CLIC2: variants seen among roughly 807,000 people sequenced by gnomAD.
The protein encoded by CLIC2 is chloride intracellular channel protein 2.
A neutral mutation model predicts 14.8 loss-of-function variants in CLIC2; 9 were observed. The observed-to-expected ratio is 0.61, with a 90% CI of 0.37 to 1.06. The LOEUF (loss-of-function observed/expected upper bound fraction) is 1.06, where lower values mean the gene tolerates loss of function less well. Among genes scored for constraint, CLIC2 ranks in the 50% least tolerant of loss-of-function variants. CLIC2 has a pLI of 0.01. For missense variants in CLIC2, 148 were observed against 181.4 expected, an observed-to-expected ratio of 0.82 and a Z score of 1.06; for synonymous variants, 61 against 66.3, an observed-to-expected ratio of 0.92 and a Z score of 0.39.
At chrX:155,304,952 T>G (rs1293810042) in intron 1 of CLIC2, among the ~76,000 whole-genome samples, 4 of 106,756 alleles carry the variant, frequency 3.7e-5, no homozygotes, top group African/African-American at 6.8e-5. Context: ...GATCTCCAGC[T>G]GCGTGCTGGG....
At position 155,310,456 on chromosome X, in the gene CLIC2, A is replaced by G. The variant is rs901747159; in HGVS notation, c.58-11311T>C. On this transcript the variant is annotated intron_variant, in intron 1 of 5. Coordinates refer to ENST00000369449, the MANE Select transcript of CLIC2 (RefSeq NM_001289.6). ...CCCTGGCCACTTGGTCCATCCTGACACTTGCATTTGCATTTTTCTCACCTT... is the reference window on the plus strand; with the variant it reads ...CCCTGGCCACTTGGTCCATCCTGACGCTTGCATTTGCATTTTTCTCACCTT... 4 of 275,613 alleles carry G rather than the reference A, an allele frequency of 1.5e-5. 1 individual carries two copies. The allele number at this position is 275,613 out of a possible 1,213,427, so 22.7% of individuals were successfully genotyped here.
Position 155,305,344 on chromosome X carries a change from C to A in CLIC2, c.58-6199G>T, listed in dbSNP as rs1253475740. ...TGGGAGTGATCCGATTTTCCAGGTG[C>A]CATCTGTCACCCCTTTCTTTGACTC... On this transcript the variant is annotated intron_variant, in intron 1 of 5. Transcript: ENST00000369449. 2.7e-5 allele frequency among the ~76,000 whole-genome samples: 3 copies of A among 112,238 alleles called. No individual in the cohort carries two copies. In the East Asian group the frequency reaches 8.4e-4, roughly 32 times the overall value.
chrX:155,288,936 G>A (rs2074952686), intron 3 of CLIC2, among the ~76,000 whole-genome samples: 1 of 110,456 alleles, frequency 9.1e-6, no homozygotes, highest in Non-Finnish European at 1.9e-5. Flanking sequence ...CCTGAGGTCG[G>A]GAGTTCACAA....
rs182888029 is a variant in CLIC2, at chrX:155,278,556, A to T, written c.583-492T>A. ...CTAAGCATTTTAAATGCTTTAATTT[A>T]TTTAATTCTCTTAACAATTCTGTAA... On this transcript the variant is annotated intron_variant, in intron 5 of 5. Coordinates refer to ENST00000369449, the MANE Select transcript of CLIC2 (RefSeq NM_001289.6). 2.7e-4 allele frequency among the ~76,000 whole-genome samples: 31 copies of T among 112,785 alleles called. No individual in the cohort carries two copies. In the East Asian group the frequency reaches 7.2e-3, roughly 26 times the overall value.
At chrX:155,325,649 T>C (rs1459908290) in intron 1 of CLIC2, among the ~76,000 whole-genome samples, 10 of 105,215 alleles carry the variant, frequency 9.5e-5, no homozygotes, top group Non-Finnish European at 1.8e-4. Flanking sequence ...AAAACCTAGA[T>C]GACGGGTTGA....
At position 155,323,229 on chromosome X, in the gene CLIC2, A is replaced by C. The variant is rs1269322878; in HGVS notation, c.57+11142T>G. Among the ~76,000 whole-genome samples, 5 of 111,763 alleles carry C rather than the reference A, an allele frequency of 4.5e-5. No homozygotes were observed. In the East Asian group the frequency reaches 1.4e-3, roughly 31 times the overall value. On this transcript the variant is annotated intron_variant, in intron 1 of 5. Coordinates refer to ENST00000369449, the MANE Select transcript of CLIC2 (RefSeq NM_001289.6). ...AGAACCTGTCAGAGACACACACACAAAAAGAAAATTTCACGCCAATATCCC... is the reference window on the plus strand; with the variant it reads ...AGAACCTGTCAGAGACACACACACACAAAGAAAATTTCACGCCAATATCCC...
chrX:155,290,888 GTC>G, intron 3 of CLIC2: 3 of 675,767 alleles, frequency 4.4e-6, no homozygotes, highest in Non-Finnish European at 7.4e-6. Flanking sequence ...ACCCACGTCA[GTC>G]TGTACCTCAT....
chrX:155,310,014 C>T (rs2075068484), intron 1 of CLIC2, among the ~76,000 whole-genome samples: 1 of 112,159 alleles, frequency 8.9e-6, no homozygotes, highest in Admixed American at 9.4e-5. Flanking sequence ...CCAGTAAAAT[C>T]AAAAGCAAGT....
At chrX:155,304,804 G>C (rs2075042022) in intron 1 of CLIC2, among the ~76,000 whole-genome samples, 2 of 77,836 alleles carry the variant, frequency 2.6e-5, no homozygotes, top group African/African-American at 3.8e-5. Context: ...TAACAGACAG[G>C]ACCCTCAGCT....
intron 1 of CLIC2, among the ~76,000 whole-genome samples, chrX:155,302,465 T>C (rs2124182733): frequency 9.3e-6 from 1 of 107,293 alleles, no homozygotes; most frequent in East Asian, 2.9e-4. Flanking sequence ...TTGATTCTTC[T>C]CTCTTTTTTT....
intron 3 of CLIC2, among the ~76,000 whole-genome samples, chrX:155,288,605 ATG>A (rs1417461526): frequency 8.9e-6 from 1 of 111,738 alleles, no homozygotes; most frequent in African/African-American, 3.3e-5. Flanking sequence ...GGGTGTATGT[ATG>A]TCTGTCCATG....
Position 155,277,476 on chromosome X carries a change from A to C in CLIC2, c.*427T>G, listed in dbSNP as rs992099893. ...TGTATTTATTATTTATATCAGAAAT[A>C]AACTCATGTATATATTAAACTAACA... On this transcript the variant is annotated 3_prime_UTR_variant, in exon 6 of 6. Coordinates refer to ENST00000369449, the MANE Select transcript of CLIC2 (RefSeq NM_001289.6). 5.8e-5 allele frequency: 7 copies of C among 119,751 alleles called. No homozygotes were observed. Among genetic ancestry groups the C allele is most frequent in the Non-Finnish European group, 1.2e-4 (7 of 58,440 alleles). The allele number at this position is 119,751 out of a possible 1,213,427, so 9.9% of individuals were successfully genotyped here.
chrX:155,314,890 A>G (rs1208098960), intron 1 of CLIC2, among the ~76,000 whole-genome samples: 4 of 111,490 alleles, frequency 3.6e-5, no homozygotes, highest in African/African-American at 1.3e-4. Flanking sequence ...AATGAAATAG[A>G]TAGCATAAAT....
chrX:155,282,976 C>T (rs1286858470), intron 3 of CLIC2, among the ~76,000 whole-genome samples: 1 of 111,461 alleles, frequency 9.0e-6, no homozygotes, highest in East Asian at 2.8e-4. Context: ...CCCCAGATTT[C>T]AGGCTGGCCC....
chrX:155,301,464 TAAG>T (rs2124180709), intron 1 of CLIC2, among the ~76,000 whole-genome samples: 1 of 110,165 alleles, frequency 9.1e-6, no homozygotes, highest in South Asian at 4.0e-4. Context: ...CTTATCAGCT[TAAG>T]GAGATTTTGG....
intron 1 of CLIC2, among the ~76,000 whole-genome samples, chrX:155,311,851 A>C (rs2124198407): frequency 9.0e-6 from 1 of 111,425 alleles, no homozygotes; most frequent in African/African-American, 3.3e-5. Flanking sequence ...GCCAAGGGAA[A>C]GCGGTTTCCC....
At chrX:155,299,168 C>T (rs1557318718) in intron 1 of CLIC2, 23 bp from the exon 2 acceptor site, 2 of 1,118,894 alleles carry the variant, frequency 1.8e-6, no homozygotes, top group East Asian at 6.0e-5. Flanking sequence ...AGAGAGACCT[C>T]AGTTCATTTG....
In CLIC2 at chrX:155,292,118, T is replaced by C. The variant is rs150725294; in HGVS notation, c.293+6667A>G. 2.2e-3 allele frequency: 1,258 copies of C among 565,856 alleles called. 2 individuals are homozygous for C. The highest frequency in any genetic ancestry group is 3.3e-3 in the Non-Finnish European group (1,020 of 307,684). The allele number at this position is 565,856 out of a possible 1,213,427, so 46.6% of individuals were successfully genotyped here. ...TCTTGGCTTTAGTTACTATCCAGCA[T>C]AAAATTTGATAGAGTACAAATGGCC... On this transcript the variant is annotated intron_variant, in intron 3 of 5. Coordinates refer to ENST00000369449, the MANE Select transcript of CLIC2 (RefSeq NM_001289.6).
chrX:155,305,812 A>G (rs781883937), intron 1 of CLIC2, among the ~76,000 whole-genome samples: 2 of 112,320 alleles, frequency 1.8e-5, no homozygotes, highest in South Asian at 3.7e-4. Context: ...TGTAAAATTT[A>G]AATTTACATG....
Sources: gnomAD v4.1 joint callset for allele counts (sites outside exome capture counted in the v4.1 genomes callset) on GRCh38, gnomAD v4.1.1 for gene constraint, MANE v1.5 for transcripts, NCBI Gene and HGNC (gene_info 2026-07-23, HGNC 2026-07-21) for gene names.